KLHDC1: variants seen among roughly 807,000 people sequenced by gnomAD.
KLHDC1 encodes the protein kelch domain containing 1.
A neutral mutation model predicts 68.3 loss-of-function variants in KLHDC1; 53 were observed. That is an observed-to-expected ratio of 0.78 (90% CI 0.62 to 0.98). The LOEUF (loss-of-function observed/expected upper bound fraction) is 0.98. KLHDC1 is among the 50% of genes least tolerant of loss of function. The pLI is 0.00. For synonymous variants in KLHDC1, 148 were observed against 159.0 expected (o/e 0.93, Z 0.52); for missense variants, 470 against 492.3 (o/e 0.95, Z 0.43).
In KLHDC1 at chr14:49,699,312, A is replaced by C. The variant is rs139186543; in HGVS notation, c.96+6022A>C. ...CACAGATGTAGATCCTGAGTCTACT[A>C]CTTTTTTAAATTCCAGGGATTATCA... On this transcript the variant is annotated intron_variant, in intron 1 of 12. Coordinates refer to ENST00000359332, the MANE Select transcript of KLHDC1 (RefSeq NM_172193.3). Among the ~76,000 whole-genome samples the C allele has an allele frequency of 4.8e-3, 723 of 152,082 alleles. 4 individuals carry two copies. The highest frequency in any genetic ancestry group is 0.017 in the African/African-American group (692 of 41,480).
chr14:49,715,333 G>A (rs937121855), intron 4 of KLHDC1, among the ~76,000 whole-genome samples: 28 of 151,520 alleles, frequency 1.8e-4, no homozygotes, highest in African/African-American at 5.3e-4. Flanking sequence ...ATGTTGGCAA[G>A]GATGGTTTTG....
At chr14:49,730,032 G>A (rs1166359612) in intron 8 of KLHDC1, among the ~76,000 whole-genome samples, 1 of 152,066 alleles carries the variant, frequency 6.6e-6, no homozygotes, top group East Asian at 1.9e-4. Context: ...AGAAAATATA[G>A]CAGATTATCT....
intron 12 of KLHDC1, among the ~76,000 whole-genome samples, chr14:49,744,511 G>GAACTT (rs1889145954): frequency 6.6e-6 from 1 of 151,788 alleles, no homozygotes; most frequent in African/African-American, 2.4e-5. Context: ...CTTGGTATTT[G>GAACTT]TGGGGATCGG....
intron 4 of KLHDC1, among the ~76,000 whole-genome samples, chr14:49,720,627 C>G (rs751219175): frequency 5.6e-4 from 85 of 152,136 alleles, no homozygotes; most frequent in Middle Eastern, 3.4e-3. Context: ...ATCAGTTTCT[C>G]AGTAATTATA....
intron 6 of KLHDC1, 99 bp from the exon 7 acceptor site, chr14:49,728,821 GTAATGA>G: frequency 1.3e-6 from 1 of 798,680 alleles, no homozygotes; most frequent in Non-Finnish European, 2.2e-6. Context: ...AATTACATAG[GTAATGA>G]TAACTTAGTG....
At position 49,723,923 on chromosome 14, in the gene KLHDC1, G is replaced by T; in HGVS notation, c.454G>T (p.Asp152Tyr). 6.2e-7 allele frequency: 1 copy of T among 1,605,844 alleles called. No individual in the cohort carries two copies. Among genetic ancestry groups the T allele is most frequent in the Non-Finnish European group, 8.5e-7 (1 of 1,174,230 alleles). Residue 152 changes from aspartate (D) to tyrosine (Y), a missense_variant, in exon 5 of 13, where the codon GAC becomes TAC. Transcript: ENST00000359332. Reference sequence around the variant, plus strand: ...GTGTAGGAGACACAGTGAACTCCAAGACTGTTTTGATGTTCATGATGCATC... The same window carrying T: ...GTGTAGGAGACACAGTGAACTCCAATACTGTTTTGATGTTCATGATGCATC... ...YGCRRHSELQ[D>Y]CFDVHDASWE...
chr14:49,743,785 A>G lies in KLHDC1; in HGVS notation c.1014A>G (p.Thr338=). The G allele has an allele frequency of 6.3e-7, 1 of 1,591,394 alleles. No individual in the cohort carries two copies. Among genetic ancestry groups the G allele is most frequent in the Non-Finnish European group, 8.6e-7 (1 of 1,161,952 alleles). ...GHCNDLLIFQ[T]QPYSLLRSCL... ...GTAATGATTTATTGATCTTTCAAAC[A>G]CAGCCTTATTCACTACTCAGGTAAG... Residue 338 remains threonine (T), a synonymous_variant, in exon 12 of 13, where the codon ACA becomes ACG. Coordinates refer to ENST00000359332, the MANE Select transcript of KLHDC1 (RefSeq NM_172193.3).
chr14:49,743,217 C>T (rs916203021), intron 11 of KLHDC1, among the ~76,000 whole-genome samples: 7 of 151,152 alleles, frequency 4.6e-5, no homozygotes, highest in South Asian at 2.1e-4. Context: ...GCCAACATGG[C>T]GAAACCTTGT....
intron 4 of KLHDC1, among the ~76,000 whole-genome samples, chr14:49,715,411 G>A (rs140861258): frequency 3.6e-4 from 55 of 151,322 alleles, no homozygotes; most frequent in Middle Eastern, 3.4e-3. Flanking sequence ...GTGAGCCACC[G>A]TGCCCGGCCT....
chr14:49,749,662 A>T (rs1246823950), intron 12 of KLHDC1, among the ~76,000 whole-genome samples: 1 of 145,178 alleles, frequency 6.9e-6, no homozygotes, highest in Non-Finnish European at 1.5e-5. Context: ...TGCGCAACAG[A>T]GTGAGACTCC....
intron 4 of KLHDC1, among the ~76,000 whole-genome samples, chr14:49,713,836 A>ATT (rs1566602966): frequency 3.2e-4 from 1 of 3,130 alleles, no homozygotes; most frequent in Non-Finnish European, 7.4e-4. Context: ...ATATATATAT[A>ATT]TATATATATA....
intron 4 of KLHDC1, among the ~76,000 whole-genome samples, chr14:49,711,881 C>T (rs553417218): frequency 3.9e-4 from 56 of 143,392 alleles, no homozygotes; most frequent in South Asian, 3.6e-3. Flanking sequence ...ACGTTATAAT[C>T]GATTTATATG....
At chr14:49,745,261 T>C (rs972797403) in intron 12 of KLHDC1, among the ~76,000 whole-genome samples, 1 of 152,202 alleles carries the variant, frequency 6.6e-6, no homozygotes, top group Admixed American at 6.5e-5. Context: ...CTACCCCTTC[T>C]CTTAGCACAG....
intron 4 of KLHDC1, among the ~76,000 whole-genome samples, chr14:49,715,367 C>T (rs1011816109): frequency 3.3e-5 from 5 of 151,488 alleles, no homozygotes; most frequent in South Asian, 2.1e-4. Flanking sequence ...ATGATCTGAC[C>T]GCCTCAGCCT....
At chr14:49,742,638 A>T (rs1019146890) in intron 11 of KLHDC1, among the ~76,000 whole-genome samples, 2 of 144,002 alleles carry the variant, frequency 1.4e-5, no homozygotes, top group Non-Finnish European at 3.0e-5. Flanking sequence ...GCACCACCGC[A>T]CTCTAGCCTG....
At chr14:49,730,978 CTAA>C (rs780089164) in intron 8 of KLHDC1, among the ~76,000 whole-genome samples, 2 of 150,804 alleles carry the variant, frequency 1.3e-5, no homozygotes, top group African/African-American at 2.4e-5. Context: ...GTCTCAAAAA[CTAA>C]TAATAAAAAT....
intron 1 of KLHDC1, among the ~76,000 whole-genome samples, chr14:49,696,871 G>A (rs901209102): frequency 6.6e-6 from 1 of 151,386 alleles, no homozygotes; most frequent in Non-Finnish European, 1.5e-5. Flanking sequence ...TTAAAGTGAG[G>A]GACAGTCCAC....
Position 49,723,955 on chromosome 14 carries a change from A to G in KLHDC1, c.483+3A>G. On this transcript the variant is annotated splice_donor_region_variant and intron_variant, in intron 5 of 12. Coordinates refer to ENST00000359332, the MANE Select transcript of KLHDC1 (RefSeq NM_172193.3). Reference sequence around the variant, plus strand: ...TTGATGTTCATGATGCATCTTGGGTAAGATAGTAATCACTGTTTACATTTT... The same window carrying G: ...TTGATGTTCATGATGCATCTTGGGTGAGATAGTAATCACTGTTTACATTTT... 1 of 1,564,916 alleles carries G rather than the reference A, an allele frequency of 6.4e-7. No individual in the cohort carries two copies. Among genetic ancestry groups the G allele is most frequent in the Non-Finnish European group, 8.8e-7 (1 of 1,139,350 alleles).
chr14:49,715,650 C>T (rs1360081320), intron 4 of KLHDC1, among the ~76,000 whole-genome samples: 18 of 142,822 alleles, frequency 1.3e-4, no homozygotes, highest in Admixed American at 2.1e-4. Flanking sequence ...GAGGCTGAGG[C>T]GGGAGAATTG....
Sources: gnomAD v4.1 joint callset for allele counts (sites outside exome capture counted in the v4.1 genomes callset) on GRCh38, gnomAD v4.1.1 for gene constraint, MANE v1.5 for transcripts, NCBI Gene and HGNC (gene_info 2026-07-23, HGNC 2026-07-21) for gene names.